Variants in POU2AF1 observed in about 807,000 individuals in gnomAD.
POU2AF1 encodes POU domain class 2-associating factor 1.
A neutral mutation model predicts 26.3 loss-of-function variants in POU2AF1; 12 were observed. The ratio of observed to expected loss-of-function variants is 0.46; its 90% confidence interval spans 0.29 to 0.74. The LOEUF (loss-of-function observed/expected upper bound fraction) is 0.74. Among genes scored for constraint, POU2AF1 ranks in the 30% least tolerant of loss-of-function variants. The pLI, the probability that POU2AF1 is intolerant of heterozygous loss-of-function variation, is 0.09. For missense variants in POU2AF1, 297 were observed against 334.5 expected, an observed-to-expected ratio of 0.89 and a Z score of 0.87; for synonymous variants, 175 against 148.0, an observed-to-expected ratio of 1.18 and a Z score of -1.32.
chr11:111,363,038 G>A, intron 1 of POU2AF1: 2 of 730,970 alleles, frequency 2.7e-6, no homozygotes, highest in South Asian at 1.2e-4. Context: ...CTGTTTCTAA[G>A]TCGATGAACA....
At chr11:111,358,699 CACACACACA>C in intron 2 of POU2AF1, 80 bp downstream of exon 2, 1 of 1,458,588 alleles carries the variant, frequency 6.9e-7, no homozygotes, top group Non-Finnish European at 9.3e-7. Flanking sequence ...TACACATACT[CACACACACA>C]TACACTCTCA....
rs1860881615 is a variant in POU2AF1 at position 111,357,849 on chromosome 11, A to G, written c.148-12T>C. On this transcript the variant is annotated splice_polypyrimidine_tract_variant and intron_variant, in intron 2 of 4. Transcript: ENST00000393067. ...TGGGGCAGCACCACCTAGAGGGGAG[A>G]GGAGAAGACCAGGGTCAATGTTTAG... The G allele has an allele frequency of 6.2e-7, 1 of 1,603,306 alleles. No homozygotes were observed. Among genetic ancestry groups the G allele is most frequent in the Non-Finnish European group, 8.5e-7 (1 of 1,176,072 alleles).
chr11:111,354,426 C>T lies in POU2AF1; in HGVS notation c.606G>A (p.Gly202=), dbSNP rs1860801700. ...AGATGGGGAGCTGGACAAACTGGGG[C>T]CCAGGTAGGGCTGGGGCCGGAGGCT... ...QYQPPAPALP[G]PQFVQLPISI... is the part of the protein sequence containing the mutation. The change falls in exon 5 of 5, where the codon GGG becomes GGA. Residue 202 remains glycine (G), a synonymous_variant. Coordinates refer to ENST00000393067, the MANE Select transcript of POU2AF1 (RefSeq NM_006235.3). The T allele has an allele frequency of 6.2e-7, 1 of 1,614,108 alleles. No homozygotes were observed. The highest frequency in any genetic ancestry group is 1.1e-5 in the South Asian group (1 of 91,062).
rs1272662667 is a variant in POU2AF1, at chr11:111,353,043, A to G, written c.*1218T>C. On this transcript the variant is annotated 3_prime_UTR_variant, in exon 5 of 5. Coordinates refer to ENST00000393067, the MANE Select transcript of POU2AF1 (RefSeq NM_006235.3). The stretch of plus-strand genomic sequence containing the variant: ...GAAGGAAGGAAGGAAGGAAGGAAGG[A>G]AGGAAGGAAGGAAAGAAACAAAACC... 5.7e-6 allele frequency: 1 copy of G among 176,590 alleles called. No homozygotes were observed. Among genetic ancestry groups the G allele is most frequent in the Non-Finnish European group, 1.1e-5 (1 of 94,408 alleles). 10.9% of individuals were successfully genotyped at this position (176,590 alleles called of 1,614,324 possible). A position where few individuals can be genotyped will look rare whatever the true frequency, so the allele number is the denominator to read the frequency against.
intron 1 of POU2AF1, among the ~76,000 whole-genome samples, chr11:111,368,564 G>A (rs1009120341): frequency 1.3e-5 from 2 of 152,306 alleles, no homozygotes; most frequent in Admixed American, 1.3e-4. Context: ...TTTGTGCCAG[G>A]CTAGAGCTAC....
At chr11:111,372,051 C>CAGAGAGAGAGAG (rs1374875953) in intron 1 of POU2AF1, among the ~76,000 whole-genome samples, 23 of 101,656 alleles carry the variant, frequency 2.3e-4, no homozygotes, top group African/African-American at 4.7e-4. Flanking sequence ...CACACACACA[C>CAGAGAGAGAGAG]ACACACACAC....
chr11:111,354,423 G>C lies in POU2AF1; in HGVS notation c.609C>G (p.Pro203=). The change falls in exon 5 of 5, where the codon CCC becomes CCG. Residue 203 remains proline (P), a synonymous_variant. Coordinates refer to ENST00000393067, the MANE Select transcript of POU2AF1 (RefSeq NM_006235.3). ...YQPPAPALPG[P]QFVQLPISIP... is the part of the protein sequence containing the mutation. ...TAGAGATGGGGAGCTGGACAAACTGGGGCCCAGGTAGGGCTGGGGCCGGAG... is the reference window on the plus strand; with the variant it reads ...TAGAGATGGGGAGCTGGACAAACTGCGGCCCAGGTAGGGCTGGGGCCGGAG... The C allele has an allele frequency of 6.2e-7, 1 of 1,614,186 alleles. No homozygotes were observed. The highest frequency in any genetic ancestry group is 8.5e-7 in the Non-Finnish European group (1 of 1,180,026).
At chr11:111,371,267 G>A (rs1861204534) in intron 1 of POU2AF1, among the ~76,000 whole-genome samples, 1 of 152,118 alleles carries the variant, frequency 6.6e-6, no homozygotes, top group Non-Finnish European at 1.5e-5. Flanking sequence ...TAATCTTTTG[G>A]TGACCAGCTC....
intron 1 of POU2AF1, among the ~76,000 whole-genome samples, chr11:111,370,331 C>T (rs577342350): frequency 1.3e-5 from 2 of 152,270 alleles, no homozygotes; most frequent in South Asian, 4.2e-4. Flanking sequence ...AATTTACCTC[C>T]TCTTTATTCA....
chr11:111,372,328 G>A (rs1861229471), intron 1 of POU2AF1, among the ~76,000 whole-genome samples: 1 of 152,152 alleles, frequency 6.6e-6, no homozygotes, highest in Non-Finnish European at 1.5e-5. Context: ...GCAGCAAGCA[G>A]AGACCTTGTT....
At chr11:111,367,159 C>A (rs1248194108) in intron 1 of POU2AF1, among the ~76,000 whole-genome samples, 1 of 152,170 alleles carries the variant, frequency 6.6e-6, no homozygotes, top group Admixed American at 6.5e-5. Flanking sequence ...TTCCCCGGCA[C>A]TCTCCGCACC....
At chr11:111,355,720 G>A (rs1403113448) in intron 4 of POU2AF1, among the ~76,000 whole-genome samples, 1 of 152,168 alleles carries the variant, frequency 6.6e-6, no homozygotes, top group African/African-American at 2.4e-5. Context: ...TGAGTAGCAA[G>A]GCTTTAGGGT....
chr11:111,364,111 C>T (rs1343849258), intron 1 of POU2AF1: 2 of 559,256 alleles, frequency 3.6e-6, no homozygotes, highest in African/African-American at 2.1e-5. Flanking sequence ...TCTGTAGGTA[C>T]AAAAAGTCAG....
chr11:111,379,127 C>A, intron 1 of POU2AF1, 35 bp downstream of exon 1: 1 of 1,613,772 alleles, frequency 6.2e-7, no homozygotes, highest in Non-Finnish European at 8.5e-7. Context: ...CGCTGGCACT[C>A]GCTTGGGTCT....
At position 111,354,449 on chromosome 11, in the gene POU2AF1, G is replaced by T. The variant is rs768907717; in HGVS notation, c.583C>A (p.Pro195Thr). The T allele has an allele frequency of 6.2e-7, 1 of 1,614,008 alleles. No homozygotes were observed. Among genetic ancestry groups the T allele is most frequent in the South Asian group, 1.1e-5 (1 of 91,062 alleles). ...GGCCCAGGTAGGGCTGGGGCCGGAG[G>T]CTGGTACTGCAGGGTGGAGGTGGGT... ...TLPTSTLQYQ[P>T]PAPALPGPQF... The change falls in exon 5 of 5, where the codon CCT becomes ACT. Residue 195 changes from proline to threonine, a missense_variant. Pro to Thr is a conservative substitution (Grantham distance 38, BLOSUM62 -1). Coordinates refer to ENST00000393067, the MANE Select transcript of POU2AF1 (RefSeq NM_006235.3).
At chr11:111,363,117 C>T in intron 1 of POU2AF1, 4 of 1,009,236 alleles carry the variant, frequency 4.0e-6, no homozygotes, top group Non-Finnish European at 4.7e-6. Context: ...CCTTGGAACT[C>T]AGTGTCAACA....
In POU2AF1 at chr11:111,379,243, G is replaced by C; in HGVS notation, c.-66C>G. 6 of 1,604,502 alleles carry C rather than the reference G, an allele frequency of 3.7e-6. No homozygotes were observed. Among genetic ancestry groups the C allele is most frequent in the Non-Finnish European group, 4.3e-6 (5 of 1,171,270 alleles). ...AGTTTGGCTTCTTTAATGTGAGACC[G>C]GGGTGTGTTTTCCTCCAGTGGAGCC... On this transcript the variant is annotated 5_prime_UTR_variant, in exon 1 of 5. Coordinates refer to ENST00000393067, the MANE Select transcript of POU2AF1 (RefSeq NM_006235.3).
chr11:111,369,588 G>A (rs1470041554), intron 1 of POU2AF1, among the ~76,000 whole-genome samples: 1 of 152,216 alleles, frequency 6.6e-6, no homozygotes, highest in South Asian at 2.1e-4. Context: ...ATAGATGGGA[G>A]TTTTATCACC....
intron 1 of POU2AF1, chr11:111,363,941 G>C: frequency 1.0e-6 from 1 of 985,356 alleles, no homozygotes; most frequent in African/African-American, 1.7e-5. Flanking sequence ...CCTGATTGGA[G>C]ATCTCCTTTT....
Sources: gnomAD v4.1 joint callset for allele counts (sites outside exome capture counted in the v4.1 genomes callset) on GRCh38, gnomAD v4.1.1 for gene constraint, MANE v1.5 for transcripts, NCBI Gene and HGNC (gene_info 2026-07-23, HGNC 2026-07-21) for gene names.